MAST2: variants seen among roughly 807,000 people sequenced by gnomAD.
The protein encoded by MAST2 is microtubule-associated serine/threonine-protein kinase 2.
Under a neutral mutation model 147.4 loss-of-function variants are expected in MAST2, and 70 were observed. The observed-to-expected ratio is 0.47, with a 90% CI of 0.39 to 0.58. MAST2 has a LOEUF of 0.58. MAST2 is among the 20% of genes least tolerant of loss of function. The probability of loss-of-function intolerance (pLI) is 0.00; values close to 1 mark genes in which losing one functional copy is unlikely to be tolerated. For missense variants in MAST2, 2,080 were observed against 2,302.3 expected, an observed-to-expected ratio of 0.90 and a Z score of 1.98; for synonymous variants, 869 against 896.8, an observed-to-expected ratio of 0.97 and a Z score of 0.55.
intron 3 of MAST2, among the ~76,000 whole-genome samples, chr1:45,875,568 C>T (rs1236668331): frequency 6.6e-6 from 1 of 152,066 alleles, no homozygotes; most frequent in Admixed American, 6.5e-5. Flanking sequence ...GGGGACAAAA[C>T]TGAATGAAAG....
chr1:45,857,850 G>GTTTTTTTTTTTTTTTTTTTT (rs35371770), intron 3 of MAST2, among the ~76,000 whole-genome samples: 4 of 66,570 alleles, frequency 6.0e-5, no homozygotes, highest in African/African-American at 1.2e-4. Context: ...AACATGCGGT[G>GTTTTTTTTTTTTTTTTTTTT]TTTTTTTTTT....
At chr1:45,885,152 A>G (rs1048784495) in intron 4 of MAST2, among the ~76,000 whole-genome samples, 1 of 152,140 alleles carries the variant, frequency 6.6e-6, no homozygotes, top group Admixed American at 6.5e-5. Flanking sequence ...CTGATCTGGA[A>G]AATTTTTAAA....
At chr1:45,901,027 C>T (rs529358198) in intron 4 of MAST2, among the ~76,000 whole-genome samples, 43 of 152,020 alleles carry the variant, frequency 2.8e-4, no homozygotes, top group Non-Finnish European at 4.3e-4. Context: ...TGTCCATTTT[C>T]GTTTTGGTCA....
intron 3 of MAST2, among the ~76,000 whole-genome samples, chr1:45,834,521 A>G (rs1020388531): frequency 6.6e-6 from 1 of 152,172 alleles, no homozygotes; most frequent in Non-Finnish European, 1.5e-5. Context: ...GGCATGTTCT[A>G]AAACAGATCG....
intron 3 of MAST2, among the ~76,000 whole-genome samples, chr1:45,849,823 G>A (rs757759077): frequency 5.9e-5 from 9 of 152,154 alleles, no homozygotes; most frequent in Non-Finnish European, 1.2e-4. Context: ...ACTGTGCCCC[G>A]CCCATATTTT....
At chr1:45,905,109 T>C (rs1054966004) in intron 4 of MAST2, among the ~76,000 whole-genome samples, 15 of 151,772 alleles carry the variant, frequency 9.9e-5, no homozygotes, top group Non-Finnish European at 1.8e-4. Flanking sequence ...GCGCACCTGG[T>C]CACAAAGTTA....
intron 5 of MAST2, among the ~76,000 whole-genome samples, chr1:45,979,714 A>T (rs768274336): frequency 7.6e-4 from 116 of 152,298 alleles, no homozygotes; most frequent in Non-Finnish European, 1.4e-3. Flanking sequence ...TTACACCTGT[A>T]GCTCCTGCTC....
intron 2 of MAST2, among the ~76,000 whole-genome samples, chr1:45,828,146 T>G (rs1460828975): frequency 1.3e-5 from 2 of 152,186 alleles, no homozygotes; most frequent in Admixed American, 1.3e-4. Flanking sequence ...TCTTTCTTAA[T>G]TTTTACTTTC....
At chr1:45,872,142 C>A (rs887253912) in intron 3 of MAST2, among the ~76,000 whole-genome samples, 1 of 152,224 alleles carries the variant, frequency 6.6e-6, no homozygotes, top group Non-Finnish European at 1.5e-5. Context: ...TAATTTCCTT[C>A]TCTGGAAAGA....
intron 3 of MAST2, among the ~76,000 whole-genome samples, chr1:45,834,296 G>A (rs1317915507): frequency 5.3e-5 from 8 of 152,172 alleles, no homozygotes; most frequent in Non-Finnish European, 7.4e-5. Context: ...TTATTGGAAT[G>A]ATAACTGGTA....
intron 1 of MAST2, among the ~76,000 whole-genome samples, chr1:45,821,885 CT>C (rs71587723): frequency 3.4e-4 from 34 of 100,828 alleles, no homozygotes; most frequent in South Asian, 7.5e-4. Context: ...TCACCTTCAC[CT>C]TTTTTTTTTT....
chr1:45,854,375 T>C (rs1645722617), intron 3 of MAST2, among the ~76,000 whole-genome samples: 1 of 151,800 alleles, frequency 6.6e-6, no homozygotes, highest in Non-Finnish European at 1.5e-5. Flanking sequence ...TTGTGTGGTT[T>C]ATTTCTGGGT....
intron 5 of MAST2, among the ~76,000 whole-genome samples, chr1:45,978,961 GAA>G (rs1412427302): frequency 2.4e-4 from 36 of 152,300 alleles, no homozygotes; most frequent in African/African-American, 8.4e-4. Context: ...ATAGCTTTGT[GAA>G]TATACTAAAA....
intron 3 of MAST2, among the ~76,000 whole-genome samples, chr1:45,864,780 T>C (rs1012785677): frequency 1.3e-5 from 2 of 152,182 alleles, no homozygotes; most frequent in Non-Finnish European, 2.9e-5. Context: ...TTGGAATTTT[T>C]CCCCCGGAAC....
At chr1:45,811,493 C>T (rs1336355199) in intron 1 of MAST2, among the ~76,000 whole-genome samples, 1 of 151,600 alleles carries the variant, frequency 6.6e-6, no homozygotes, top group South Asian at 2.1e-4. Flanking sequence ...CGCCCACCAC[C>T]ACGCTCGGCT....
chr1:46,034,260 C>T lies in MAST2; in HGVS notation c.3862C>T (p.His1288Tyr), dbSNP rs748854495. ...CTACCGGGTGACCCCCGATGCTGTG[C>T]ATTCAGGTACGAAGGGCTCCCTGCA... ...QGYRVTPDAV[H>Y]SVGGNSSQSS... Residue 1288 changes from histidine (H) to tyrosine (Y), a missense_variant, in exon 28 of 29, where the codon CAT (histidine) becomes TAT (tyrosine). Around this residue, in one of 4 missense-constraint regions of MAST2, gnomAD observed 1,278 missense variants for 1,304.2 expected, o/e 0.98. Coordinates refer to ENST00000361297, the MANE Select transcript of MAST2 (RefSeq NM_015112.3). 36 of 1,611,678 alleles carry T rather than the reference C, an allele frequency of 2.2e-5. No homozygotes were observed. The highest frequency in any genetic ancestry group is 2.9e-5 in the Non-Finnish European group (34 of 1,178,740).
intron 10 of MAST2, among the ~76,000 whole-genome samples, chr1:46,014,833 C>A (rs1388340156): frequency 6.6e-6 from 1 of 152,200 alleles, no homozygotes; most frequent in East Asian, 1.9e-4. Context: ...ACCTAATAGA[C>A]ATCTACAGAA....
intron 5 of MAST2, among the ~76,000 whole-genome samples, chr1:45,984,105 A>G (rs896301558): frequency 6.6e-6 from 1 of 152,198 alleles, no homozygotes; most frequent in African/African-American, 2.4e-5. Flanking sequence ...TTTTTGATCT[A>G]TTGTTTAAAA....
Position 46,033,820 on chromosome 1 carries a change from A to G in MAST2, c.3556A>G (p.Ile1186Val), listed in dbSNP as rs1279099630. The G allele has an allele frequency of 1.2e-6, 2 of 1,614,128 alleles. No individual in the cohort carries two copies. Among genetic ancestry groups the G allele is most frequent in the Admixed American group, 1.7e-5 (1 of 60,002 alleles). Residue 1186 changes from isoleucine to valine, a missense_variant, in exon 27 of 29, where the codon ATT (isoleucine) becomes GTT (valine). Coordinates refer to ENST00000361297, the MANE Select transcript of MAST2 (RefSeq NM_015112.3). Reference protein sequence around the residue: ...LILKSGNKVAISTTPLENTSI... With the variant: ...LILKSGNKVAVSTTPLENTSI... ...TCCCCAGAGTGGAAACAAGGTGGCC[A>G]TTTCAACAACTCCCCTGGAGAACAC...
Sources: allele counts gnomAD v4.1 joint callset (sites outside exome capture counted in the v4.1 genomes callset), GRCh38; gene constraint gnomAD v4.1.1; regional missense constraint gnomAD v4.1.1; transcripts MANE v1.5; gene names NCBI Gene and HGNC (gene_info 2026-07-23, HGNC 2026-07-21).